The following LRRC7 variants were observed in gnomAD, a reference collection of about 807,000 sequenced individuals.
LRRC7 encodes leucine-rich repeat-containing protein 7.
A neutral mutation model predicts 175.7 loss-of-function variants in LRRC7; 23 were observed. The observed-to-expected ratio is 0.13, with a 90% CI of 0.09 to 0.19. The LOEUF (loss-of-function observed/expected upper bound fraction) is 0.19, where lower values mean the gene tolerates loss of function less well. Among genes scored for constraint, LRRC7 ranks in the 10% least tolerant of loss-of-function variants. The probability of loss-of-function intolerance (pLI) is 1.00; values close to 1 mark genes in which losing one functional copy is unlikely to be tolerated. For synonymous variants in LRRC7, 685 were observed against 680.9 expected (o/e 1.01, Z -0.09); for missense variants, 1,354 against 1,904.7 (o/e 0.71, Z 5.38).
At chr1:69,605,567 G>A (rs972327346) in intron 1 of LRRC7, among the ~76,000 whole-genome samples, 2 of 152,088 alleles carry the variant, frequency 1.3e-5, no homozygotes, top group Non-Finnish European at 2.9e-5. Context: ...TTCTGTTAAG[G>A]GACATGCAAT....
intron 3 of LRRC7, among the ~76,000 whole-genome samples, chr1:69,782,415 C>T (rs1673869021): frequency 6.6e-6 from 1 of 152,156 alleles, no homozygotes; most frequent in African/African-American, 2.4e-5. Context: ...AGCATGTAAA[C>T]AGGTCTTAAT....
At chr1:69,925,261 CT>C (rs1647028701) in intron 7 of LRRC7, among the ~76,000 whole-genome samples, 1 of 152,082 alleles carries the variant, frequency 6.6e-6, no homozygotes, top group African/African-American at 2.4e-5. Context: ...CTGTAATTCT[CT>C]TTTTTGGGTG....
intron 7 of LRRC7, 88 bp downstream of exon 7, chr1:69,838,371 G>C: frequency 9.1e-7 from 1 of 1,094,300 alleles, no homozygotes; most frequent in Non-Finnish European, 1.4e-6. Flanking sequence ...CTGTGTTTTG[G>C]CACTTTGAGT....
chr1:69,936,556 T>A (rs1474755862), intron 8 of LRRC7, among the ~76,000 whole-genome samples: 1 of 152,176 alleles, frequency 6.6e-6, no homozygotes, highest in Admixed American at 6.5e-5. Context: ...TGTTGCAGGT[T>A]TTTATTTTTT....
At chr1:70,057,416 A>G (rs1661236488) in intron 23 of LRRC7, among the ~76,000 whole-genome samples, 1 of 152,228 alleles carries the variant, frequency 6.6e-6, no homozygotes, top group Non-Finnish European at 1.5e-5. Flanking sequence ...CTACAATGAC[A>G]TTTTTAAAAG....
rs981149359 is a variant in LRRC7, at chr1:69,857,659, CA to C, written c.647+19378del. Among the ~76,000 whole-genome samples, 598 of 152,222 alleles carry C rather than the reference CA, an allele frequency of 3.9e-3. 4 individuals carry two copies. The highest frequency in any genetic ancestry group is 0.014 in the African/African-American group (564 of 41,520). ...TTCCATACTCATGGATAGGAAGAAT[CA>C]ATATCGTAAAAATGGCCATACTGCC... On this transcript the variant is annotated intron_variant, in intron 7 of 26. Transcript: ENST00000651989.
intron 7 of LRRC7, among the ~76,000 whole-genome samples, chr1:69,851,866 C>A: frequency 6.6e-6 from 1 of 152,004 alleles, no homozygotes; most frequent in Non-Finnish European, 1.5e-5. Context: ...AAGGAGAAAG[C>A]CAGACAGCTG....
chr1:69,750,203 G>T (rs1669711951), intron 2 of LRRC7, among the ~76,000 whole-genome samples: 1 of 151,928 alleles, frequency 6.6e-6, no homozygotes, highest in South Asian at 2.1e-4. Flanking sequence ...AGGAAAGGTT[G>T]GTTAATGGGT....
chr1:69,931,244 GATATTTAAT>G (rs1427542890), intron 7 of LRRC7, among the ~76,000 whole-genome samples: 1 of 152,164 alleles, frequency 6.6e-6, no homozygotes, highest in Non-Finnish European at 1.5e-5. Flanking sequence ...CACTGGTGTA[GATATTTAAT>G]AAGCTTCTTG....
chr1:69,887,620 C>T (rs1399320591), intron 7 of LRRC7, among the ~76,000 whole-genome samples: 21 of 152,278 alleles, frequency 1.4e-4, no homozygotes, highest in Admixed American at 1.2e-3. Flanking sequence ...TCTCAGCTCG[C>T]CAAAGTCATT....
Position 70,056,836 on chromosome 1 carries a change from G to T in LRRC7, c.4230+3691G>T, listed in dbSNP as rs565008713. Among the ~76,000 whole-genome samples the T allele has an allele frequency of 2.0e-5, 3 of 152,132 alleles. No homozygotes were observed. In the East Asian group the frequency reaches 5.8e-4, roughly 29 times the overall value. ...ACATGTAAAGGAAAAACAAGGGAAA[G>T]TAACACTTTGGAAATAGTGAGGGAA... On this transcript the variant is annotated intron_variant, in intron 23 of 26. Transcript: ENST00000651989.
chr1:69,602,649 C>T (rs1275731269), intron 1 of LRRC7, among the ~76,000 whole-genome samples: 1 of 151,910 alleles, frequency 6.6e-6, no homozygotes, highest in Admixed American at 6.6e-5. Flanking sequence ...TTCTGGTGAC[C>T]AGAAGTTTGA....
Position 69,596,059 on chromosome 1 carries a change from C to T in LRRC7, c.2+27418C>T, listed in dbSNP as rs570065591. Among the ~76,000 whole-genome samples the T allele has an allele frequency of 6.6e-5, 10 of 151,766 alleles. No individual in the cohort carries two copies. The South Asian group carries it at 1.0e-3, about 16-fold the overall frequency. ...CAATTATCCTTAATCACTCACAGGACGATGATACCTGTGAGTCTGCATCTG... is the reference window on the plus strand; with the variant it reads ...CAATTATCCTTAATCACTCACAGGATGATGATACCTGTGAGTCTGCATCTG... On this transcript the variant is annotated intron_variant, in intron 1 of 26. Coordinates refer to ENST00000651989, the MANE Select transcript of LRRC7 (RefSeq NM_001370785.2).
intron 2 of LRRC7, among the ~76,000 whole-genome samples, chr1:69,735,830 A>G (rs990889246): frequency 7.1e-6 from 1 of 140,914 alleles, no homozygotes; most frequent in Non-Finnish European, 1.6e-5. Flanking sequence ...TATCTGTTTC[A>G]CTCCCTTCCT....
At chr1:69,701,320 T>A (rs1663322625) in intron 2 of LRRC7, among the ~76,000 whole-genome samples, 1 of 152,080 alleles carries the variant, frequency 6.6e-6, no homozygotes, top group Admixed American at 6.5e-5. Flanking sequence ...ATTCATAGAA[T>A]ATTGTGCTGT....
chr1:70,072,220 T>A (rs1036742450), intron 23 of LRRC7, among the ~76,000 whole-genome samples: 1 of 152,236 alleles, frequency 6.6e-6, no homozygotes, highest in African/African-American at 2.4e-5. Context: ...TTCTTTTTAC[T>A]ATTCAAAATG....
intron 7 of LRRC7, among the ~76,000 whole-genome samples, chr1:69,881,743 G>C (rs566796712): frequency 1.2e-4 from 18 of 151,658 alleles, no homozygotes; most frequent in Non-Finnish European, 2.5e-4. Context: ...AACCAAGAGT[G>C]GTAGTGCATG....
chr1:69,809,353 T>G (rs774605545), intron 4 of LRRC7, among the ~76,000 whole-genome samples: 1 of 151,496 alleles, frequency 6.6e-6, no homozygotes, highest in Non-Finnish European at 1.5e-5. Flanking sequence ...GTAAAAAGAG[T>G]AGCTGGTACC....
intron 8 of LRRC7, among the ~76,000 whole-genome samples, chr1:69,966,022 T>G (rs1651631544): frequency 6.6e-6 from 1 of 152,126 alleles, no homozygotes; most frequent in Admixed American, 6.5e-5. Context: ...CTTGGTGGAT[T>G]GCAAAATCTA....
Sources: allele counts gnomAD v4.1 joint callset (sites outside exome capture counted in the v4.1 genomes callset), GRCh38; gene constraint gnomAD v4.1.1; transcripts MANE v1.5; gene names NCBI Gene and HGNC (gene_info 2026-07-23, HGNC 2026-07-21).